The following SPIDR variants were observed in gnomAD, a reference collection of about 807,000 sequenced individuals.
SPIDR encodes the protein scaffold protein involved in DNA repair.
Under a neutral mutation model 104.6 loss-of-function variants are expected in SPIDR, and 93 were observed. That is an observed-to-expected ratio of 0.89 (90% CI 0.75 to 1.06). The LOEUF is 1.06. Among genes scored for constraint, SPIDR ranks in the 50% least tolerant of loss-of-function variants. SPIDR has a pLI of 0.00. For synonymous variants in SPIDR, 431 were observed against 416.9 expected, an observed-to-expected ratio of 1.03 and a Z score of -0.41; for missense variants, 1,154 against 1,111.2, an observed-to-expected ratio of 1.04 and a Z score of -0.55.
At chr8:47,482,449 A>C (rs904504385) in intron 8 of SPIDR, among the ~76,000 whole-genome samples, 3 of 152,060 alleles carry the variant, frequency 2.0e-5, no homozygotes, top group South Asian at 4.1e-4. Context: ...AAAAAGTCTC[A>C]TGACTTCGTC....
At chr8:47,404,637 A>G (rs534077640) in intron 6 of SPIDR, among the ~76,000 whole-genome samples, 10 of 152,226 alleles carry the variant, frequency 6.6e-5, no homozygotes, top group African/African-American at 1.4e-4. Context: ...AATGCAAATC[A>G]AAACCACAAT....
intron 8 of SPIDR, among the ~76,000 whole-genome samples, chr8:47,561,722 C>T (rs1365937977): frequency 2.0e-5 from 3 of 152,194 alleles, no homozygotes; most frequent in Non-Finnish European, 4.4e-5. Context: ...TTCCCTGGGT[C>T]CCTTGTACCA....
intron 18 of SPIDR, 96 bp downstream of exon 18, chr8:47,729,143 C>A: frequency 1.9e-6 from 3 of 1,549,002 alleles, no homozygotes; most frequent in Non-Finnish European, 2.6e-6. Context: ...TCCTGTACGC[C>A]TGCAGAGGCG....
At position 47,279,890 on chromosome 8, in the gene SPIDR, C is replaced by T. The variant is rs2154220285; in HGVS notation, c.62C>T (p.Pro21Leu). Residue 21 changes from proline to leucine, a missense_variant, in exon 2 of 20, where the codon CCA becomes CTA. Coordinates refer to ENST00000297423, the MANE Select transcript of SPIDR (RefSeq NM_001080394.4). Reference protein sequence around the residue: ...KRKRSWNTECPSFPGERPLQV... With the variant: ...KRKRSWNTECLSFPGERPLQV... Reference sequence around the variant, plus strand: ...AAAAGGAGTTGGAATACAGAATGCCCATCCTTTCCAGGAGAAAGACCACTG... The same window carrying T: ...AAAAGGAGTTGGAATACAGAATGCCTATCCTTTCCAGGAGAAAGACCACTG... 1 of 1,613,550 alleles carries T rather than the reference C, an allele frequency of 6.2e-7. No homozygotes were observed. Among genetic ancestry groups the T allele is most frequent in the African/African-American group, 1.3e-5 (1 of 74,992 alleles).
chr8:47,312,360 T>C (rs2044356082), intron 5 of SPIDR, among the ~76,000 whole-genome samples: 1 of 152,198 alleles, frequency 6.6e-6, no homozygotes, highest in African/African-American at 2.4e-5. Flanking sequence ...TTCCTGTTTC[T>C]CCACATCCTC....
rs1491441369 is a variant in SPIDR at position 47,702,097 on chromosome 8, T to TCA, written c.1977+82_1977+83insCA. 6.6e-4 allele frequency: 42 copies of TCA among 63,258 alleles called. 4 individuals carry two copies. The highest frequency in any genetic ancestry group is 2.2e-3 in the Admixed American group (9 of 4,042). The allele number at this position is 63,258 out of a possible 1,614,324, so 3.9% of individuals were successfully genotyped here. On this transcript the variant is annotated intron_variant, in intron 14 of 19. Coordinates refer to ENST00000297423, the MANE Select transcript of SPIDR (RefSeq NM_001080394.4). Reference sequence around the variant, plus strand: ...CTCTCTCTCTCTCTCTCTCTCTCTCTTACACACACACACACACACACACAC... The same window carrying TCA: ...CTCTCTCTCTCTCTCTCTCTCTCTCTCATACACACACACACACACACACACAC...
chr8:47,266,198 C>T (rs1228835192), intron 1 of SPIDR, among the ~76,000 whole-genome samples: 2 of 147,360 alleles, frequency 1.4e-5, no homozygotes, highest in Admixed American at 6.9e-5. Context: ...AGCGCGATCT[C>T]GGCTCACTGC....
At chr8:47,557,559 T>G (rs1435444949) in intron 8 of SPIDR, among the ~76,000 whole-genome samples, 1 of 152,234 alleles carries the variant, frequency 6.6e-6, no homozygotes, top group Non-Finnish European at 1.5e-5. Flanking sequence ...TTAAAAAACA[T>G]GCTAAGCTAT....
intron 8 of SPIDR, among the ~76,000 whole-genome samples, chr8:47,576,540 C>T (rs898993658): frequency 6.6e-6 from 1 of 152,070 alleles, no homozygotes; most frequent in African/African-American, 2.4e-5. Flanking sequence ...TTCAAACTAT[C>T]CTCGTGCTTC....
intron 8 of SPIDR, among the ~76,000 whole-genome samples, chr8:47,503,850 C>T (rs1003136648): frequency 6.6e-6 from 1 of 152,128 alleles, no homozygotes; most frequent in African/African-American, 2.4e-5. Flanking sequence ...AATCTCTCAG[C>T]ATTTGTTTGT....
chr8:47,606,871 G>C (rs1236753946), intron 10 of SPIDR, among the ~76,000 whole-genome samples: 2 of 152,170 alleles, frequency 1.3e-5, no homozygotes, highest in Non-Finnish European at 1.5e-5. Context: ...CCTTTTCTCT[G>C]TATGGAGACA....
intron 10 of SPIDR, among the ~76,000 whole-genome samples, chr8:47,647,655 G>GGGAGA (rs2070755891): frequency 3.4e-4 from 17 of 50,222 alleles, no homozygotes; most frequent in African/African-American, 1.2e-3. Flanking sequence ...AGAGAGAGAG[G>GGGAGA]GAGAGAGAGA....
chr8:47,583,069 G>A (rs1273461578), intron 8 of SPIDR, among the ~76,000 whole-genome samples: 2 of 150,678 alleles, frequency 1.3e-5, no homozygotes, highest in African/African-American at 4.9e-5. Flanking sequence ...TATGCTCTGA[G>A]AATTTACTGG....
chr8:47,647,677 G>GGAGAGAGA (rs140899135), intron 10 of SPIDR, among the ~76,000 whole-genome samples: 1 of 69,556 alleles, frequency 1.4e-5, no homozygotes, highest in Non-Finnish European at 3.7e-5. Flanking sequence ...AGGGAGAGAG[G>GGAGAGAGA]GAGAGAGAGA....
intron 10 of SPIDR, among the ~76,000 whole-genome samples, chr8:47,669,923 C>G (rs1043195619): frequency 2.6e-5 from 4 of 152,128 alleles, no homozygotes; most frequent in Non-Finnish European, 5.9e-5. Flanking sequence ...TTGCTTGAAC[C>G]CAGGAGGCGG....
Position 47,699,171 on chromosome 8 carries a change from A to G in SPIDR, c.1686-1232A>G, listed in dbSNP as rs539417424. Among the ~76,000 whole-genome samples, 3 of 152,310 alleles carry G rather than the reference A, an allele frequency of 2.0e-5. No homozygotes were observed. The South Asian group carries it at 6.2e-4, about 32-fold the overall frequency. ...AGCATAAAAGTTTATGGCTTTAGCA[A>G]TGACAATACTGATAACTATAGTAAC... On this transcript the variant is annotated intron_variant, in intron 11 of 19. Coordinates refer to ENST00000297423, the MANE Select transcript of SPIDR (RefSeq NM_001080394.4).
intron 8 of SPIDR, among the ~76,000 whole-genome samples, chr8:47,543,216 T>G (rs562042311): frequency 1.2e-4 from 19 of 152,348 alleles, no homozygotes; most frequent in African/African-American, 4.6e-4. Context: ...CTATTGTTGT[T>G]GCATGTTTAG....
At chr8:47,325,416 G>C (rs572886623) in intron 5 of SPIDR, among the ~76,000 whole-genome samples, 2 of 151,982 alleles carry the variant, frequency 1.3e-5, no homozygotes, top group Non-Finnish European at 2.9e-5. Flanking sequence ...AAAATTCTTA[G>C]AAAGTATGAA....
chr8:47,656,938 T>G (rs2072935212), intron 10 of SPIDR, among the ~76,000 whole-genome samples: 1 of 152,218 alleles, frequency 6.6e-6, no homozygotes, highest in Admixed American at 6.5e-5. Flanking sequence ...AGTCCATTTA[T>G]GTGAAATAAC....
Sources: gnomAD v4.1 joint callset for allele counts (sites outside exome capture counted in the v4.1 genomes callset) on GRCh38, gnomAD v4.1.1 for gene constraint, MANE v1.5 for transcripts, NCBI Gene and HGNC (gene_info 2026-07-23, HGNC 2026-07-21) for gene names.